TENM3: variants seen among roughly 807,000 people sequenced by gnomAD.
The protein encoded by TENM3 is teneurin transmembrane protein 3, also known as teneurin-3.
Under a neutral mutation model 255.1 loss-of-function variants are expected in TENM3, and 63 were observed. The ratio of observed to expected loss-of-function variants is 0.25; its 90% CI spans 0.20 to 0.30. The LOEUF (loss-of-function observed/expected upper bound fraction) is 0.30, where lower values mean the gene tolerates loss of function less well. Among genes scored for constraint, TENM3 ranks in the 10% least tolerant of loss-of-function variants. The probability of loss-of-function intolerance (pLI) is 1.00; values close to 1 mark genes in which losing one functional copy is unlikely to be tolerated. For missense variants in TENM3, 2,929 were observed against 3,461.1 expected (o/e 0.85, Z 3.86); for synonymous variants, 1,306 against 1,322.3 (o/e 0.99, Z 0.27).
At chr4:182,463,308 G>C (rs1732236066) in intron 3 of TENM3, among the ~76,000 whole-genome samples, 1 of 151,990 alleles carries the variant, frequency 6.6e-6, no homozygotes, top group South Asian at 2.1e-4. Context: ...CTTGAAATAA[G>C]ATACCACGTA....
At chr4:181,566,470 G>C in the TENM3 span, among the ~76,000 whole-genome samples, 2 of 152,128 alleles carry the variant, frequency 1.3e-5, no homozygotes, top group African/African-American at 2.4e-5. Flanking sequence ...AGCTCTCTCT[G>C]TAATCAATGA....
intron 3 of TENM3, among the ~76,000 whole-genome samples, chr4:182,579,705 CT>C (rs1234298001): frequency 1.7e-5 from 2 of 117,574 alleles, no homozygotes; most frequent in Admixed American, 1.9e-4. Flanking sequence ...TTGAAAACTT[CT>C]CTTTTTTTCC....
the TENM3 span, among the ~76,000 whole-genome samples, chr4:181,501,978 C>A: frequency 6.6e-6 from 1 of 152,104 alleles, no homozygotes; most frequent in Non-Finnish European, 1.5e-5. Context: ...CACAAGCATT[C>A]GGATTAACAG....
At chr4:182,155,357 T>C (rs1296629730) in intron 1 of TENM3, among the ~76,000 whole-genome samples, 3 of 152,152 alleles carry the variant, frequency 2.0e-5, no homozygotes, top group Admixed American at 6.5e-5. Context: ...ACTTACTCAT[T>C]GAAACATACA....
chr4:182,661,049 A>G (rs1393459635), intron 6 of TENM3, among the ~76,000 whole-genome samples: 2 of 152,214 alleles, frequency 1.3e-5, no homozygotes, highest in Admixed American at 6.5e-5. Flanking sequence ...CAGGCAATGT[A>G]ACTATGGCAA....
intron 6 of TENM3, among the ~76,000 whole-genome samples, chr4:182,664,732 G>C (rs1044043204): frequency 1.9e-4 from 29 of 152,150 alleles, no homozygotes; most frequent in African/African-American, 6.8e-4. Flanking sequence ...TTACTGATAA[G>C]GAGAACATTT....
At chr4:181,940,652 A>C in the TENM3 span, among the ~76,000 whole-genome samples, 3 of 152,202 alleles carry the variant, frequency 2.0e-5, no homozygotes, top group Admixed American at 6.5e-5. Context: ...TGAAAAGGTA[A>C]ATTTGTGCAA....
chr4:181,697,173 C>G, the TENM3 span, among the ~76,000 whole-genome samples: 16 of 152,176 alleles, frequency 1.1e-4, no homozygotes, highest in African/African-American at 3.6e-4. Flanking sequence ...AGGCCCAGGA[C>G]GGGCATGGTC....
the TENM3 span, chr4:181,905,738 T>G: frequency 4.0e-6 from 1 of 246,944 alleles, no homozygotes; most frequent in East Asian, 1.1e-4. Flanking sequence ...AAGCCTGGTA[T>G]GCTTCCTAAT....
chr4:181,592,941 CAAAAG>C, the TENM3 span, among the ~76,000 whole-genome samples: 373 of 152,260 alleles, frequency 2.4e-3, 2 homozygotes, highest in African/African-American at 8.2e-3. Context: ...GAGTTGAACA[CAAAAG>C]AAATTATGGG....
At position 182,786,876 on chromosome 4, in the gene TENM3, G is replaced by A. The variant is rs568305487; in HGVS notation, c.5305-2217G>A. Among the ~76,000 whole-genome samples the A allele has an allele frequency of 5.9e-5, 9 of 152,240 alleles. No homozygotes were observed. In the South Asian group the frequency reaches 1.0e-3, roughly 18 times the overall value. On this transcript the variant is annotated intron_variant, in intron 24 of 27. Transcript: ENST00000511685. ...AAAAGGGCAACCTTAAACATTCAGGGTATTTTTTCCTTTCAAAACACAATC... is the reference window on the plus strand; with the variant it reads ...AAAAGGGCAACCTTAAACATTCAGGATATTTTTTCCTTTCAAAACACAATC...
chr4:181,654,711 G>T, the TENM3 span, among the ~76,000 whole-genome samples: 1 of 136,858 alleles, frequency 7.3e-6, no homozygotes, highest in Non-Finnish European at 1.5e-5. Flanking sequence ...CCGAGATCGC[G>T]CCACTGCACT....
At chr4:181,563,317 G>C in the TENM3 span, among the ~76,000 whole-genome samples, 1 of 152,114 alleles carries the variant, frequency 6.6e-6, no homozygotes, top group East Asian at 1.9e-4. Context: ...CTGATCTCTG[G>C]CTTCATCTGT....
chr4:182,335,358 G>A (rs1250526461), intron 2 of TENM3, among the ~76,000 whole-genome samples: 14 of 143,298 alleles, frequency 9.8e-5, no homozygotes, highest in Non-Finnish European at 1.7e-4. Flanking sequence ...AGCCGGGCGC[G>A]GTGGCAGGCG....
chr4:182,136,983 C>G, the TENM3 span, among the ~76,000 whole-genome samples: 3 of 152,108 alleles, frequency 2.0e-5, no homozygotes, highest in East Asian at 1.9e-4. Context: ...CATCCCCCCC[C>G]ACCCAATACA....
the TENM3 span, among the ~76,000 whole-genome samples, chr4:181,841,072 A>G: frequency 6.6e-6 from 1 of 152,026 alleles, no homozygotes; most frequent in Non-Finnish European, 1.5e-5. Flanking sequence ...AATTTGGAGA[A>G]CCTATAAGTA....
rs998400623 is a variant in TENM3, at chr4:182,744,048, G to C, written c.3629+629G>C. On this transcript the variant is annotated intron_variant, in intron 19 of 27. Coordinates refer to ENST00000511685, the MANE Select transcript of TENM3 (RefSeq NM_001080477.4). The stretch of plus-strand genomic sequence containing the variant: ...TTCCATACAAATAATTAAAATCTCA[G>C]AATTCAACTCATTATATTTTAGAAG... 9 of 772,110 alleles carry C rather than the reference G, an allele frequency of 1.2e-5. No individual in the cohort carries two copies. In the South Asian group the frequency reaches 5.1e-4, roughly 44 times the overall value. The allele number at this position is 772,110 out of a possible 1,614,324, so 47.8% of individuals were successfully genotyped here. A position where few individuals can be genotyped will look rare whatever the true frequency, so the allele number is the denominator to read the frequency against.
intron 12 of TENM3, among the ~76,000 whole-genome samples, chr4:182,691,587 A>G (rs779857746): frequency 3.3e-5 from 5 of 152,178 alleles, no homozygotes; most frequent in Non-Finnish European, 5.9e-5. Context: ...TAGAGTATTC[A>G]TATTTTCCTC....
At chr4:182,553,494 C>G (rs539080992) in intron 3 of TENM3, among the ~76,000 whole-genome samples, 6 of 150,410 alleles carry the variant, frequency 4.0e-5, no homozygotes, top group Non-Finnish European at 7.4e-5. Context: ...CAAATCTGCA[C>G]GTTGTGCACA....
Sources: allele counts gnomAD v4.1 joint callset (sites outside exome capture counted in the v4.1 genomes callset), GRCh38; gene constraint gnomAD v4.1.1; transcripts MANE v1.5; gene names NCBI Gene and HGNC (gene_info 2026-07-23, HGNC 2026-07-21).